The following UGT1A5 variants were observed in gnomAD, a reference collection of about 807,000 sequenced individuals.
UGT1A5 encodes UDP-glucuronosyltransferase 1A5.
A neutral mutation model predicts 40.3 loss-of-function variants in UGT1A5; 29 were observed. The ratio of observed to expected loss-of-function variants is 0.72; its 90% confidence interval spans 0.54 to 0.98. The LOEUF is 0.98. UGT1A5 is among the 50% of genes least tolerant of loss of function. The pLI is 0.00. For synonymous variants in UGT1A5, 257 were observed against 262.5 expected, an observed-to-expected ratio of 0.98 and a Z score of 0.20; for missense variants, 678 against 677.9, an observed-to-expected ratio of 1.00 and a Z score of 0.00.
At chr2:233,723,516 CTTTT>C (rs1162916866) in intron 1 of UGT1A5, among the ~76,000 whole-genome samples, 1 of 85,406 alleles carries the variant, frequency 1.2e-5, no homozygotes, top group African/African-American at 4.9e-5. Flanking sequence ...GGTCAACAAT[CTTTT>C]TTTTTTTTTT....
In UGT1A5 at chr2:233,719,168, T is replaced by G. The variant is rs1202848834; in HGVS notation, c.867+5310T>G. ...AGAGATATTCTAGAAGTATGGCAAT[T>G]ATGAACAATGTATCTTTGGCCCTTC... On this transcript the variant is annotated intron_variant, in intron 1 of 4. Transcript: ENST00000373414. 2 of 1,614,224 alleles carry G rather than the reference T, an allele frequency of 1.2e-6. No individual in the cohort carries two copies. Among genetic ancestry groups the G allele is most frequent in the Admixed American group, 1.7e-5 (1 of 60,034 alleles).
intron 4 of UGT1A5, chr2:233,771,640 G>C (rs183876140): frequency 4.5e-4 from 68 of 152,464 alleles, no homozygotes; most frequent in African/African-American, 1.6e-3. Context: ...TTATTTTACT[G>C]TATGAAAATA....
At position 233,718,851 on chromosome 2, in the gene UGT1A5, C is replaced by T. The variant is rs3892221; in HGVS notation, c.867+4993C>T. ...CAGAGGACTCCAGGTTCCCCTGCCGCGGCTGGCCACAGGACTGCTGCTCCT... is the reference window on the plus strand; with the variant it reads ...CAGAGGACTCCAGGTTCCCCTGCCGTGGCTGGCCACAGGACTGCTGCTCCT... On this transcript the variant is annotated intron_variant, in intron 1 of 4. Coordinates refer to ENST00000373414, the MANE Select transcript of UGT1A5 (RefSeq NM_019078.2). 4,964 of 1,613,706 alleles carry T rather than the reference C, an allele frequency of 3.1e-3. 102 individuals carry two copies. The African/African-American group carries it at 0.045, about 15-fold the overall frequency.
chr2:233,765,010 C>G (rs940800648), intron 1 of UGT1A5, among the ~76,000 whole-genome samples: 10 of 152,056 alleles, frequency 6.6e-5, no homozygotes, highest in Non-Finnish European at 1.2e-4. Context: ...TGTTCCAAAT[C>G]AGGCTTGGCA....
chr2:233,756,647 A>G (rs924838506), intron 1 of UGT1A5, among the ~76,000 whole-genome samples: 33 of 152,308 alleles, frequency 2.2e-4, no homozygotes, highest in African/African-American at 5.1e-4. Flanking sequence ...GGGGATAAAC[A>G]TGGGATGCAG....
chr2:233,753,174 A>G (rs1695146972), intron 1 of UGT1A5: 2 of 152,226 alleles, frequency 1.3e-5, no homozygotes, highest in South Asian at 4.1e-4. Context: ...ATCACTAAAA[A>G]ATGAACTCAT....
At position 233,769,774 on chromosome 2, in the gene UGT1A5, G is replaced by C; in HGVS notation, c.1307+1335G>C. The C allele has an allele frequency of 7.3e-7, 1 of 1,375,358 alleles. No homozygotes were observed. Among genetic ancestry groups the C allele is most frequent in the Non-Finnish European group, 9.5e-7 (1 of 1,052,824 alleles). 85.2% of individuals were successfully genotyped at this position (1,375,358 alleles called of 1,614,324 possible). ...GGAGGCTAAGGCGGGAGGATTGCTT[G>C]AGCCCAGAAGTTGGAGGCTGCTATG... On this transcript the variant is annotated intron_variant, in intron 4 of 4. Transcript: ENST00000373414. This position sits in a 1 kb window ranked among gnomAD's most constrained non-coding sequence, Gnocchi z 4.4.
At chr2:233,714,348 G>T (rs1046988136) in intron 1 of UGT1A5, among the ~76,000 whole-genome samples, 3 of 152,216 alleles carry the variant, frequency 2.0e-5, no homozygotes, top group African/African-American at 7.2e-5. Flanking sequence ...AGAGGAAGTA[G>T]AGGTTTCAAA....
At chr2:233,718,198 T>C (rs545354446) in intron 1 of UGT1A5, among the ~76,000 whole-genome samples, 1 of 152,168 alleles carries the variant, frequency 6.6e-6, no homozygotes, top group African/African-American at 2.4e-5. Flanking sequence ...TCCCCGGAGC[T>C]TTTTTTTATA....
intron 1 of UGT1A5, among the ~76,000 whole-genome samples, chr2:233,724,153 T>TG (rs1256567668): frequency 5.0e-4 from 26 of 52,120 alleles, no homozygotes; most frequent in African/African-American, 2.1e-3. Flanking sequence ...GCTGGCCGGG[T>TG]GGGGGGGCTG....
chr2:233,712,988 TGA>T lies in UGT1A5; in HGVS notation c.-1_1del. ...ACAGTCAGCTGTCGGTGGCTTCTGC[TGA>T]GATGGCCACAGGACTCCAGGTTCCC... On this transcript the variant is annotated 5_prime_UTR_variant, in exon 1 of 5. Coordinates refer to ENST00000373414, the MANE Select transcript of UGT1A5 (RefSeq NM_019078.2). 6.2e-7 allele frequency: 1 copy of T among 1,613,306 alleles called. No homozygotes were observed. Among genetic ancestry groups the T allele is most frequent in the Non-Finnish European group, 8.5e-7 (1 of 1,180,028 alleles).
chr2:233,756,190 G>A (rs1012891343), intron 1 of UGT1A5: 15 of 152,208 alleles, frequency 9.9e-5, no homozygotes, highest in African/African-American at 3.4e-4. Flanking sequence ...CGCTAGTCTA[G>A]CAGAGTAGTC....
chr2:233,739,344 AG>A lies in UGT1A5; in HGVS notation c.867+25487del, dbSNP rs1575629032. On this transcript the variant is annotated intron_variant, in intron 1 of 4. Transcript: ENST00000373414. ...AGAAGGCCACAGTCCTTCAGAACCC[AG>A]AAGGGCAGATCCAATAGCTTGCACT... Among the ~76,000 whole-genome samples the A allele has an allele frequency of 3.9e-5, 6 of 152,328 alleles. No individual in the cohort carries two copies. In the East Asian group the frequency reaches 5.8e-4, roughly 15 times the overall value.
chr2:233,720,424 T>A (rs1382226869), intron 1 of UGT1A5, among the ~76,000 whole-genome samples: 3 of 151,922 alleles, frequency 2.0e-5, no homozygotes, highest in African/African-American at 7.3e-5. Flanking sequence ...AGGGAGGAGA[T>A]AAGACCGTGA....
chr2:233,757,550 A>ATATATATATATATATATAT (rs1696620678), intron 1 of UGT1A5, among the ~76,000 whole-genome samples: 1 of 129,576 alleles, frequency 7.7e-6, no homozygotes, highest in Non-Finnish European at 1.6e-5. Context: ...ATATATATAT[A>ATATATATATATATATATAT]TATATATATA....
At chr2:233,724,928 A>C (rs2125707606) in intron 1 of UGT1A5, among the ~76,000 whole-genome samples, 1 of 142,602 alleles carries the variant, frequency 7.0e-6, no homozygotes, top group South Asian at 2.5e-4. Context: ...TGAGTGAACG[A>C]GACTCCGTCT....
At chr2:233,717,797 G>A (rs1227021075) in intron 1 of UGT1A5, 1 of 455,964 alleles carries the variant, frequency 2.2e-6, no homozygotes, top group African/African-American at 2.0e-5. Context: ...TTGAAGTAGT[G>A]CCCCCACAAA....
chr2:233,750,987 C>T lies in UGT1A5; in HGVS notation c.868-16047C>T, dbSNP rs140441181. 4.4e-3 allele frequency among the ~76,000 whole-genome samples: 664 copies of T among 151,836 alleles called. 16 individuals are homozygous for T. Among genetic ancestry groups the T allele is most frequent in the African/African-American group, 0.015 (615 of 41,178 alleles). On this transcript the variant is annotated intron_variant, in intron 1 of 4. Transcript: ENST00000373414. ...ACTGCCTAGTGGAGTTGTGAGAAGG[C>T]GGCCACCATCCTCCAGAATCCCAAA...
chr2:233,718,048 C>G, intron 1 of UGT1A5: 1 of 365,942 alleles, frequency 2.7e-6, no homozygotes, highest in South Asian at 2.1e-5. Flanking sequence ...CAGGAGCTCC[C>G]TGAACCCACC....
Sources: allele counts gnomAD v4.1 joint callset (sites outside exome capture counted in the v4.1 genomes callset), GRCh38; gene constraint gnomAD v4.1.1; non-coding constraint Gnocchi (gnomAD v3.1); transcripts MANE v1.5; gene names NCBI Gene and HGNC (gene_info 2026-07-23, HGNC 2026-07-21).